MPZL2: variants seen among roughly 807,000 people sequenced by gnomAD.
MPZL2 encodes myelin protein zero like 2, also known as myelin protein zero-like protein 2.
MPZL2 carries 32 observed loss-of-function variants against 24.5 expected under a neutral mutation model. That is an observed-to-expected ratio of 1.31 (90% CI 0.99 to 1.76). The LOEUF is 1.76. Ranked by LOEUF, MPZL2 falls within the 40% of genes most tolerant of loss-of-function variation. The pLI, the probability that MPZL2 is intolerant of heterozygous loss-of-function variation, is 0.00. For synonymous variants in MPZL2, 92 were observed against 97.9 expected (o/e 0.94, Z 0.36); for missense variants, 304 against 274.9 (o/e 1.11, Z -0.75).
chr11:118,258,393 T>C (rs1487614263), intron 4 of MPZL2, among the ~76,000 whole-genome samples: 2 of 152,202 alleles, frequency 1.3e-5, no homozygotes, highest in Non-Finnish European at 2.9e-5. Context: ...GATAAGGAAC[T>C]AGTATCCCTT....
rs147412129 is a variant in MPZL2, at chr11:118,257,303, C to T, written c.595G>A (p.Glu199Lys). The T allele has an allele frequency of 2.1e-4, 345 of 1,611,360 alleles. 1 individual carries two copies. In the African/African-American group the frequency reaches 4.2e-3, roughly 20 times the overall value. Residue 199 changes from glutamate (E) to lysine (K), a missense_variant, in exon 5 of 6, where the codon GAA (glutamate) becomes AAA (lysine). Transcript: ENST00000278937. ...KVVEIKSKEE[E>K]RLNQEKKVSV... ...ACCTTTTTCTCTTGGTTGAGCCTTT[C>T]CTCTTCTTTTCTGTAACAAGCAGAA...
chr11:118,260,267 A>T, intron 3 of MPZL2, 66 bp from the exon 4 acceptor site: 3 of 1,499,120 alleles, frequency 2.0e-6, no homozygotes, highest in Non-Finnish European at 2.7e-6. Flanking sequence ...ATCTAATGAC[A>T]TAATAGGGAT....
At position 118,253,725 on chromosome 11, in the gene MPZL2, A is replaced by G. The variant is rs748687354; in HGVS notation, c.*1521T>C. ...AAAAAATATAAAATGTGATTAAAGGATATATAGCCTTCAGATGTAATTTAC... is the reference window on the plus strand; with the variant it reads ...AAAAAATATAAAATGTGATTAAAGGGTATATAGCCTTCAGATGTAATTTAC... On this transcript the variant is annotated 3_prime_UTR_variant, in exon 6 of 6. Transcript: ENST00000278937. The G allele has an allele frequency of 6.6e-6, 1 of 152,314 alleles. No individual in the cohort carries two copies. The highest frequency in any genetic ancestry group is 1.5e-5 in the Non-Finnish European group (1 of 68,004). The allele number at this position is 152,314 out of a possible 1,614,324, so 9.4% of individuals were successfully genotyped here.
rs1949653571 is a variant in MPZL2, at chr11:118,255,227, C to A, written c.*19G>T. 6.6e-6 allele frequency: 1 copy of A among 152,138 alleles called. No individual in the cohort carries two copies. The highest frequency in any genetic ancestry group is 6.5e-5 in the Admixed American group (1 of 15,278). 9.4% of individuals were successfully genotyped at this position (152,138 alleles called of 1,614,324 possible). On this transcript the variant is annotated 3_prime_UTR_variant, in exon 6 of 6. Transcript: ENST00000278937. ...GGGTTCTTGTTCTTGGAAATCATCT[C>A]AGCTTCCTAAAACACAAAACAAAAG... is the stretch of plus-strand genomic sequence containing the variant.
chr11:118,262,536 A>T lies in MPZL2; in HGVS notation c.338T>A (p.Leu113Gln), dbSNP rs1949707355. The part of the protein sequence containing the change: ...RYDASILLWK[L>Q]QFDDNGTYTC... ...GTATGTCCCATTGTCGTCGAACTGC[A>T]GTTTCCAGAGAAGGATGGAGGCATC... Residue 113 changes from leucine to glutamine, a missense_variant, in exon 3 of 6, where the codon CTG becomes CAG. Leu to Gln is a moderately radical substitution (Grantham distance 113, BLOSUM62 -2). Coordinates refer to ENST00000278937, the MANE Select transcript of MPZL2 (RefSeq NM_005797.4). The T allele has an allele frequency of 3.7e-6, 6 of 1,614,194 alleles. No individual in the cohort carries two copies. The East Asian group carries it at 1.3e-4, about 36-fold the overall frequency.
intron 3 of MPZL2, among the ~76,000 whole-genome samples, chr11:118,261,266 A>G (rs960164614): frequency 2.0e-5 from 3 of 152,310 alleles, no homozygotes; most frequent in South Asian, 4.1e-4. Flanking sequence ...AAACTGTACT[A>G]TGAATGAAAG....
chr11:118,262,577 C>T lies in MPZL2; in HGVS notation c.297G>A (p.Gly99=), dbSNP rs1375711936. The stretch of plus-strand genomic sequence containing the variant: ...TGGAGGCATCGTACCGCTCAGGATT[C>T]CCATCCCAAGACACCCGGTCCTTAA... ...GRFKDRVSWD[G]NPERYDASIL... The change falls in exon 3 of 6, where the codon GGG becomes GGA. Residue 99 remains glycine (G), a synonymous_variant. Coordinates refer to ENST00000278937, the MANE Select transcript of MPZL2 (RefSeq NM_005797.4). 1 of 1,614,056 alleles carries T rather than the reference C, an allele frequency of 6.2e-7. No homozygotes were observed. The highest frequency in any genetic ancestry group is 8.5e-7 in the Non-Finnish European group (1 of 1,180,034).
Position 118,263,104 on chromosome 11 carries a change from T to A in MPZL2, c.59-7A>T. ...GCTGCTATAGGCCAAAGAGCTGCAATGAAAAAGAAGAAAAAGAAGGGTTAA... is the reference window on the plus strand; with the variant it reads ...GCTGCTATAGGCCAAAGAGCTGCAAAGAAAAAGAAGAAAAAGAAGGGTTAA... On this transcript the variant is annotated splice_polypyrimidine_tract_variant and splice_region_variant and intron_variant, in intron 1 of 5. Transcript: ENST00000278937. 6.2e-7 allele frequency: 1 copy of A among 1,609,562 alleles called. No homozygotes were observed. Among genetic ancestry groups the A allele is most frequent in the Non-Finnish European group, 8.5e-7 (1 of 1,178,706 alleles).
chr11:118,262,903 C>A, intron 2 of MPZL2, 28 bp downstream of exon 2: 1 of 1,608,076 alleles, frequency 6.2e-7, no homozygotes, highest in Non-Finnish European at 8.5e-7. Context: ...AACAAGAGTA[C>A]CCTGGAAAAT....
At position 118,264,262 on chromosome 11, in the gene MPZL2, G is replaced by A. The variant is rs1393237004; in HGVS notation, c.-109C>T. 6 of 1,076,078 alleles carry A rather than the reference G, an allele frequency of 5.6e-6. No individual in the cohort carries two copies. Among genetic ancestry groups the A allele is most frequent in the Non-Finnish European group, 8.5e-6 (6 of 704,806 alleles). 66.7% of individuals were successfully genotyped at this position (1,076,078 alleles called of 1,614,324 possible). A position where few individuals can be genotyped will look rare whatever the true frequency, so the allele number is the denominator to read the frequency against. ...CAAGCACCGCGTTTTCCCAGAGAGA[G>A]GAGTTTGAGTTGAGTTCCTCACCTG... On this transcript the variant is annotated 5_prime_UTR_variant, in exon 1 of 6. Coordinates refer to ENST00000278937, the MANE Select transcript of MPZL2 (RefSeq NM_005797.4).
chr11:118,259,361 C>T (rs1317980640), intron 4 of MPZL2: 4 of 152,194 alleles, frequency 2.6e-5, no homozygotes, highest in Non-Finnish European at 4.4e-5. Context: ...AATACATCAA[C>T]AAGGATGAGC....
intron 4 of MPZL2, 64 bp downstream of exon 4, chr11:118,259,990 C>T (rs1949688293): frequency 6.4e-7 from 1 of 1,569,432 alleles, no homozygotes; most frequent in South Asian, 1.2e-5. Context: ...CTATTTAGCC[C>T]ACTGCAAAAT....
intron 5 of MPZL2, among the ~76,000 whole-genome samples, chr11:118,256,511 G>A (rs555374164): frequency 3.9e-5 from 6 of 152,104 alleles, no homozygotes; most frequent in Non-Finnish European, 7.4e-5. Flanking sequence ...TTAGCTGGGT[G>A]TAGTGGCGCG....
rs761143749 is a variant in MPZL2, at chr11:118,260,147, A to G, written c.491T>C (p.Leu164Pro). ...CACTACAATTACTATTATGATCATC[A>G]GTGCACAGGCAGAGCCAATGGCCAG... Reference protein sequence around the residue: ...LALAIGSACALMIIIVIVVVL... With the variant: ...LALAIGSACAPMIIIVIVVVL... The change falls in exon 4 of 6, where the codon CTG (leucine) becomes CCG (proline). Residue 164 changes from leucine to proline, a missense_variant. By Grantham distance (98) the Leu-to-Pro change is moderately conservative (BLOSUM62 -3). Transcript: ENST00000278937. The G allele has an allele frequency of 1.9e-6, 3 of 1,614,088 alleles. No homozygotes were observed. Among genetic ancestry groups the G allele is most frequent in the South Asian group, 2.2e-5 (2 of 91,084 alleles).
At chr11:118,260,652 CAGTT>C (rs1949694636) in intron 3 of MPZL2, among the ~76,000 whole-genome samples, 1 of 152,182 alleles carries the variant, frequency 6.6e-6, no homozygotes, top group African/African-American at 2.4e-5. Context: ...TTCACTCAGT[CAGTT>C]ATTTATTCAG....
At chr11:118,256,957 G>A (rs773163386) in intron 5 of MPZL2, 15 of 224,970 alleles carry the variant, frequency 6.7e-5, no homozygotes, top group South Asian at 1.7e-4. Flanking sequence ...TTTATTAGTA[G>A]TAGTAGTAAT....
At chr11:118,256,115 T>C (rs1949658217) in intron 5 of MPZL2, among the ~76,000 whole-genome samples, 1 of 147,474 alleles carries the variant, frequency 6.8e-6, no homozygotes, top group African/African-American at 2.6e-5. Context: ...CATATTCTAT[T>C]TTATAAATCC....
At chr11:118,259,072 T>C (rs991071170) in intron 4 of MPZL2, among the ~76,000 whole-genome samples, 1 of 150,952 alleles carries the variant, frequency 6.6e-6, no homozygotes, top group East Asian at 1.9e-4. Flanking sequence ...CCCTCATATA[T>C]TGCTGACAGG....
Position 118,260,205 on chromosome 11 carries a change from T to C in MPZL2, c.437-4A>G. 2 of 1,610,726 alleles carry C rather than the reference T, an allele frequency of 1.2e-6. No individual in the cohort carries two copies. The highest frequency in any genetic ancestry group is 1.7e-6 in the Non-Finnish European group (2 of 1,178,994). The stretch of plus-strand genomic sequence containing the variant: ...AAGTGGATCTCAGAGAAGCGTACTG[T>C]AAGGAGAAAAAGATTAAATTAGGAT... On this transcript the variant is annotated splice_region_variant and splice_polypyrimidine_tract_variant and intron_variant, in intron 3 of 5. Transcript: ENST00000278937.
Sources: allele counts gnomAD v4.1 joint callset (sites outside exome capture counted in the v4.1 genomes callset), GRCh38; gene constraint gnomAD v4.1.1; transcripts MANE v1.5; gene names NCBI Gene and HGNC (gene_info 2026-07-23, HGNC 2026-07-21).